Variants in DPF3 observed in about 807,000 individuals in gnomAD.
DPF3 encodes zinc finger protein DPF3.
In DPF3, 18 loss-of-function variants were observed where a neutral mutation model predicts 56.8. The observed-to-expected ratio is 0.32, with a 90% confidence interval of 0.22 to 0.47. The LOEUF (loss-of-function observed/expected upper bound fraction) is 0.47. Among genes scored for constraint, DPF3 ranks in the 20% least tolerant of loss-of-function variants. The probability of loss-of-function intolerance (pLI) is 1.00; values close to 1 mark genes in which losing one functional copy is unlikely to be tolerated. For synonymous variants in DPF3, 188 were observed against 180.2 expected (o/e 1.04, Z -0.35); for missense variants, 403 against 488.8 (o/e 0.82, Z 1.65).
At chr14:72,803,053 A>C (rs1892950700) in intron 1 of DPF3, among the ~76,000 whole-genome samples, 1 of 152,232 alleles carries the variant, frequency 6.6e-6, no homozygotes, top group Non-Finnish European at 1.5e-5. Flanking sequence ...CTCCCAGTTA[A>C]ATGCAAGTGT....
intron 1 of DPF3, among the ~76,000 whole-genome samples, chr14:72,822,876 A>G (rs1883616748): frequency 6.6e-6 from 1 of 152,132 alleles, no homozygotes; most frequent in Non-Finnish European, 1.5e-5. Context: ...GAACATCCCA[A>G]ATTCACAAAT....
At chr14:72,645,426 G>A (rs959372734) in intron 8 of DPF3, among the ~76,000 whole-genome samples, 9 of 151,468 alleles carry the variant, frequency 5.9e-5, no homozygotes, top group African/African-American at 1.2e-4. Flanking sequence ...CAGCATCCAC[G>A]TCCCCCTACC....
intron 7 of DPF3, among the ~76,000 whole-genome samples, chr14:72,685,633 T>G (rs1354890262): frequency 4.6e-5 from 7 of 152,216 alleles, no homozygotes; most frequent in Non-Finnish European, 1.0e-4. Context: ...TTGGTCTTTG[T>G]GTGCCTTGCT....
chr14:72,765,774 C>T (rs1329703535), intron 2 of DPF3, among the ~76,000 whole-genome samples: 2 of 152,090 alleles, frequency 1.3e-5, no homozygotes, highest in Non-Finnish European at 2.9e-5. Context: ...GGTGAAACCC[C>T]ATCTCTACTA....
In DPF3 at chr14:72,612,845, T is replaced by C. The variant is rs894417473; in HGVS notation, c.*6452A>G. Among the ~76,000 whole-genome samples, 2 of 152,210 alleles carry C rather than the reference T, an allele frequency of 1.3e-5. No homozygotes were observed. The highest frequency in any genetic ancestry group is 2.9e-5 in the Non-Finnish European group (2 of 68,042). On this transcript the variant is annotated 3_prime_UTR_variant, in exon 11 of 11. Coordinates refer to ENST00000556509, the MANE Select transcript of DPF3 (RefSeq NM_001280542.3). ...AGCTTTCCAAGCACAAGGCTCCCTT[T>C]GCAACCCTGGTGGCTGTGCAGAGGC...
At chr14:72,759,384 G>A (rs1452523738) in intron 2 of DPF3, among the ~76,000 whole-genome samples, 2 of 152,158 alleles carry the variant, frequency 1.3e-5, no homozygotes, top group African/African-American at 2.4e-5. Flanking sequence ...AATAATGGCT[G>A]GAGGCTGGGT....
intron 8 of DPF3, among the ~76,000 whole-genome samples, chr14:72,646,179 T>C (rs565253609): frequency 1.3e-5 from 2 of 152,338 alleles, no homozygotes; most frequent in East Asian, 3.9e-4. Flanking sequence ...TCCATGCAGA[T>C]ATGAATAAAA....
In DPF3 at chr14:72,753,313, T is replaced by C. The variant is rs775709519; in HGVS notation, c.252A>G (p.Arg84=). The C allele has an allele frequency of 1.2e-6, 2 of 1,613,670 alleles. No homozygotes were observed. Among genetic ancestry groups the C allele is most frequent in the South Asian group, 1.1e-5 (1 of 91,062 alleles). The stretch of plus-strand genomic sequence containing the variant: ...GTTTTGGATCTTCAGGTGGGTGCAA[T>C]CGTCTCTTCTTGCGCCAGCAGCGGG... ...YPARCWRKKR[R]LHPPEDPKLR... is the part of the protein sequence containing the mutation. Residue 84 remains arginine, a synonymous_variant, in exon 3 of 11, where the codon CGA becomes CGG. Transcript: ENST00000556509.
intron 5 of DPF3, among the ~76,000 whole-genome samples, chr14:72,721,238 T>C (rs118093813): frequency 1.7e-3 from 264 of 152,320 alleles, no homozygotes; most frequent in Non-Finnish European, 3.0e-3. Flanking sequence ...AAGTACACAG[T>C]AAATATACAT....
chr14:72,726,895 A>G (rs981029186), intron 4 of DPF3, among the ~76,000 whole-genome samples: 4 of 152,128 alleles, frequency 2.6e-5, no homozygotes, highest in African/African-American at 9.7e-5. Flanking sequence ...GGCCTGGAAT[A>G]CTGCAAAAAT....
intron 1 of DPF3, among the ~76,000 whole-genome samples, chr14:72,893,250 C>A (rs1886847558): frequency 6.6e-6 from 1 of 152,154 alleles, no homozygotes; most frequent in Non-Finnish European, 1.5e-5. Flanking sequence ...CAGCGCCTCA[C>A]CCAGAGGTGG....
At chr14:72,864,470 C>T (rs533186977) in intron 1 of DPF3, among the ~76,000 whole-genome samples, 14 of 152,236 alleles carry the variant, frequency 9.2e-5, no homozygotes, top group Non-Finnish European at 1.2e-4. Flanking sequence ...TCCCCAGCAC[C>T]TACAGTGCTT....
intron 8 of DPF3, among the ~76,000 whole-genome samples, chr14:72,634,687 AT>A (rs918306270): frequency 6.6e-6 from 1 of 150,456 alleles, no homozygotes; most frequent in Admixed American, 6.6e-5. Flanking sequence ...AGTTGTTGCC[AT>A]TAATGGCAAG....
At chr14:72,881,794 G>A (rs937710961) in intron 1 of DPF3, among the ~76,000 whole-genome samples, 1 of 152,128 alleles carries the variant, frequency 6.6e-6, no homozygotes, top group Non-Finnish European at 1.5e-5. Flanking sequence ...TTCAGGAGGG[G>A]GTGGGCCAGC....
At chr14:72,674,934 A>G (rs1886845108) in intron 7 of DPF3, among the ~76,000 whole-genome samples, 1 of 152,248 alleles carries the variant, frequency 6.6e-6, no homozygotes, top group Admixed American at 6.5e-5. Flanking sequence ...GTGGAGTATC[A>G]ATCTCCCTGA....
At chr14:72,787,867 T>C (rs1892273516) in intron 1 of DPF3, among the ~76,000 whole-genome samples, 1 of 152,178 alleles carries the variant, frequency 6.6e-6, no homozygotes, top group Non-Finnish European at 1.5e-5. Context: ...AGAGGCTGCC[T>C]CTGGTGGCCC....
chr14:72,887,200 A>C (rs1236222552), intron 1 of DPF3, among the ~76,000 whole-genome samples: 1 of 137,578 alleles, frequency 7.3e-6, no homozygotes, highest in Non-Finnish European at 1.6e-5. Flanking sequence ...CACACACAAA[A>C]GGAAGCAAAA....
intron 1 of DPF3, among the ~76,000 whole-genome samples, chr14:72,881,082 C>T (rs892144048): frequency 2.0e-5 from 3 of 152,194 alleles, no homozygotes; most frequent in Non-Finnish European, 2.9e-5. Context: ...CTTGACTGAA[C>T]GTACATCCAG....
chr14:72,765,900 CGA>C (rs1891265491), intron 2 of DPF3, among the ~76,000 whole-genome samples: 1 of 151,728 alleles, frequency 6.6e-6, no homozygotes, highest in South Asian at 2.1e-4. Context: ...GGCAACAAGG[CGA>C]GACTCCATCT....
Sources: allele counts gnomAD v4.1 joint callset (sites outside exome capture counted in the v4.1 genomes callset), GRCh38; gene constraint gnomAD v4.1.1; transcripts MANE v1.5; gene names NCBI Gene and HGNC (gene_info 2026-07-23, HGNC 2026-07-21).